The following NLRC3 variants were observed in gnomAD, a reference collection of about 807,000 sequenced individuals.
The protein encoded by NLRC3 is NLR family CARD domain-containing protein 3.
NLRC3 carries 87 observed loss-of-function variants against 91.6 expected under a neutral mutation model. The observed-to-expected ratio is 0.95, with a 90% CI of 0.80 to 1.14. NLRC3 has a LOEUF of 1.14. Among genes scored for constraint, NLRC3 ranks in the 50% most tolerant of loss-of-function variants. The pLI, the probability that NLRC3 is intolerant of heterozygous loss-of-function variation, is 0.00. For synonymous variants in NLRC3, 694 were observed against 625.3 expected, an observed-to-expected ratio of 1.11 and a Z score of -1.64; for missense variants, 1,577 against 1,418.6, an observed-to-expected ratio of 1.11 and a Z score of -1.79.
rs1223532680 is a variant in NLRC3 at position 3,557,336 on chromosome 16, C to T, written c.2099+257G>A. ...GGAGCCATGGTTCAGCCCGGCTGTC[C>T]TTCTGCCCCACCAGGAAGGCATGTG... On this transcript the variant is annotated intron_variant, in intron 7 of 19. Transcript: ENST00000359128. Among the ~76,000 whole-genome samples the T allele has an allele frequency of 2.6e-5, 4 of 152,202 alleles. No individual in the cohort carries two copies. The East Asian group carries it at 7.7e-4, about 29-fold the overall frequency.
In NLRC3 at chr16:3,543,527, C is replaced by T. The variant is rs375055733; in HGVS notation, c.2856-19G>A. ...CTGGAGACTGGGGCGGAGAGGGTGC[C>T]GTCAGTGTGAGCCGGCTGGGCCCAC... is the stretch of plus-strand genomic sequence containing the variant. On this transcript the variant is annotated intron_variant, in intron 16 of 19. Coordinates refer to ENST00000359128, the MANE Select transcript of NLRC3 (RefSeq NM_178844.4). The T allele has an allele frequency of 5.3e-5, 84 of 1,599,148 alleles. No individual in the cohort carries two copies. Among genetic ancestry groups the T allele is most frequent in the South Asian group, 1.0e-4 (9 of 90,052 alleles).
At chr16:3,548,860 C>A in intron 13 of NLRC3, 107 bp from the exon 14 acceptor site, 1 of 771,524 alleles carries the variant, frequency 1.3e-6, no homozygotes. Flanking sequence ...CCAGCCAGCA[C>A]GAGGGGGTGC....
intron 1 of NLRC3, among the ~76,000 whole-genome samples, chr16:3,569,239 G>A (rs1022316874): frequency 5.3e-5 from 8 of 150,028 alleles, no homozygotes; most frequent in Non-Finnish European, 7.4e-5. Context: ...GCTTGAACCC[G>A]AGAGGAGGAG....
At chr16:3,543,817 TATATTAGG>T in intron 16 of NLRC3, 1 of 396,340 alleles carries the variant, frequency 2.5e-6, no homozygotes, top group East Asian at 4.6e-5. Context: ...TCATATTTCC[TATATTAGG>T]AAAATCAAAC....
intron 16 of NLRC3, chr16:3,543,978 AC>A (rs2038548619): frequency 4.6e-6 from 2 of 430,236 alleles, no homozygotes; most frequent in African/African-American, 4.0e-5. Context: ...ATATGGTGAA[AC>A]CCCGTCTCTA....
At chr16:3,561,564 G>C (rs530328504) in intron 6 of NLRC3, 138 bp downstream of exon 6, 60 of 607,436 alleles carry the variant, frequency 9.9e-5, no homozygotes, top group Non-Finnish European at 1.4e-4. Context: ...AAACAAGCAG[G>C]CTGCATCTGG....
At chr16:3,568,182 A>G (rs535143231) in intron 1 of NLRC3, among the ~76,000 whole-genome samples, 2 of 152,318 alleles carry the variant, frequency 1.3e-5, no homozygotes, top group South Asian at 2.1e-4. Context: ...AAGCTTAGCA[A>G]TAAGTAAATA....
chr16:3,542,268 T>C lies in NLRC3; in HGVS notation c.3030A>G (p.Gln1010=). ...CCCCGTCCATCCCCAGAGAATTCTCTTGAAGACTAAGTGGAAAAGAGATGG... is the reference window on the plus strand; with the variant it reads ...CCCCGTCCATCCCCAGAGAATTCTCCTGAAGACTAAGTGGAAAAGAGATGG... ...VNSSLRRLNL[Q]ENSLGMDGAI... is the part of the protein sequence containing the mutation. The change falls in exon 19 of 20, where the codon CAA becomes CAG. Residue 1010 remains glutamine, a synonymous_variant. Coordinates refer to ENST00000359128, the MANE Select transcript of NLRC3 (RefSeq NM_178844.4). The C allele has an allele frequency of 6.3e-7, 1 of 1,583,758 alleles. No individual in the cohort carries two copies. The highest frequency in any genetic ancestry group is 1.2e-5 in the South Asian group (1 of 86,428).
chr16:3,562,990 C>T lies in NLRC3; in HGVS notation c.1928+19G>A, dbSNP rs1235604280. 1.3e-6 allele frequency: 2 copies of T among 1,547,330 alleles called. No individual in the cohort carries two copies. The highest frequency in any genetic ancestry group is 8.7e-7 in the Non-Finnish European group (1 of 1,146,420). On this transcript the variant is annotated intron_variant, in intron 5 of 19. Coordinates refer to ENST00000359128, the MANE Select transcript of NLRC3 (RefSeq NM_178844.4). ...CCTCTGCCCCTTCCCCAGCCCCTGC[C>T]CCCTGCCCTGGTATCCACCTGAGCT...
chr16:3,560,354 C>T (rs906543306), intron 6 of NLRC3, among the ~76,000 whole-genome samples: 10 of 152,120 alleles, frequency 6.6e-5, no homozygotes, highest in East Asian at 1.9e-4. Flanking sequence ...ACCCGGGAGG[C>T]GGAGTCTGCA....
rs971212649 is a variant in NLRC3, at chr16:3,549,624, C to T, written c.2519+73G>A. Reference sequence around the variant, plus strand: ...CATAGATTTCCCTGAGACAGGCTTCCCAGTGCCAAGTCCCTGCAGACAGGT... The same window carrying T: ...CATAGATTTCCCTGAGACAGGCTTCTCAGTGCCAAGTCCCTGCAGACAGGT... On this transcript the variant is annotated intron_variant, in intron 12 of 19. Coordinates refer to ENST00000359128, the MANE Select transcript of NLRC3 (RefSeq NM_178844.4). The T allele has an allele frequency of 3.5e-6, 4 of 1,146,682 alleles. No individual in the cohort carries two copies. In the African/African-American group the frequency reaches 6.1e-5, roughly 18 times the overall value. The allele number at this position is 1,146,682 out of a possible 1,614,324, so 71.0% of individuals were successfully genotyped here.
chr16:3,549,260 G>A (rs1172518583), intron 12 of NLRC3, 35 bp from the exon 13 acceptor site: 2 of 1,472,352 alleles, frequency 1.4e-6, no homozygotes, highest in African/African-American at 1.4e-5. Flanking sequence ...CTTCTGACCG[G>A]GCAGATGAGG....
At position 3,544,130 on chromosome 16, in the gene NLRC3, C is replaced by A. The variant is rs149198959; in HGVS notation, c.2855+116G>T. The stretch of plus-strand genomic sequence containing the variant: ...CTGAGATTATGTCACTGCACTCCAG[C>A]CTGGGTGGCAGAGCAAGACTCTTGT... On this transcript the variant is annotated intron_variant, in intron 16 of 19. Coordinates refer to ENST00000359128, the MANE Select transcript of NLRC3 (RefSeq NM_178844.4). 3.1e-4 allele frequency: 200 copies of A among 652,526 alleles called. 1 individual carries two copies. Among genetic ancestry groups the A allele is most frequent in the African/African-American group, 3.0e-3 (165 of 54,242 alleles). The allele number at this position is 652,526 out of a possible 1,614,324, so 40.4% of individuals were successfully genotyped here. A position where few individuals can be genotyped will look rare whatever the true frequency, so the allele number is the denominator to read the frequency against.
chr16:3,574,369 G>A (rs1217658776), intron 1 of NLRC3, among the ~76,000 whole-genome samples: 5 of 151,944 alleles, frequency 3.3e-5, no homozygotes, highest in African/African-American at 9.7e-5. Flanking sequence ...GGGCCCCCAC[G>A]TGGATCTAGT....
At chr16:3,561,843 G>A (rs1398471055) in intron 5 of NLRC3, 55 bp from the exon 6 acceptor site, 2 of 1,345,510 alleles carry the variant, frequency 1.5e-6, no homozygotes, top group Non-Finnish European at 2.1e-6. Flanking sequence ...GGCAGGGTGG[G>A]GGCCCTGGCC....
At chr16:3,562,455 A>G (rs1307261009) in intron 5 of NLRC3, among the ~76,000 whole-genome samples, 3 of 152,160 alleles carry the variant, frequency 2.0e-5, no homozygotes, top group Admixed American at 2.0e-4. Context: ...AGCCTGGCCA[A>G]CATGGTGAAA....
chr16:3,551,852 C>T (rs564075279), intron 10 of NLRC3, among the ~76,000 whole-genome samples: 1 of 150,968 alleles, frequency 6.6e-6, no homozygotes, highest in Non-Finnish European at 1.5e-5. Flanking sequence ...CCTACCCATC[C>T]ACCACTACCC....
intron 1 of NLRC3, among the ~76,000 whole-genome samples, chr16:3,571,794 G>T (rs1021138306): frequency 6.6e-6 from 1 of 151,482 alleles, no homozygotes; most frequent in Non-Finnish European, 1.5e-5. Context: ...ACAAAAATTA[G>T]CTGGGCGTGG....
At chr16:3,552,316 G>C in intron 9 of NLRC3, 37 bp from the exon 10 acceptor site, 1 of 1,467,598 alleles carries the variant, frequency 6.8e-7, no homozygotes, top group Non-Finnish European at 9.6e-7. Flanking sequence ...TAGAAAGGCT[G>C]GTCACAGCCA....
Sources: allele counts gnomAD v4.1 joint callset (sites outside exome capture counted in the v4.1 genomes callset), GRCh38; gene constraint gnomAD v4.1.1; transcripts MANE v1.5; gene names NCBI Gene and HGNC (gene_info 2026-07-23, HGNC 2026-07-21).